TESK1: variants seen among roughly 807,000 people sequenced by gnomAD.
TESK1 encodes testis associated actin remodelling kinase 1.
In TESK1, 18 loss-of-function variants were observed where a neutral mutation model predicts 59.9. The ratio of observed to expected loss-of-function variants is 0.30; its 90% CI spans 0.21 to 0.45. The LOEUF is 0.45. Among genes scored for constraint, TESK1 ranks in the 20% least tolerant of loss-of-function variants. TESK1 has a pLI of 1.00. For missense variants in TESK1, 748 were observed against 840.9 expected (o/e 0.89, Z 1.37); for synonymous variants, 341 against 357.4 (o/e 0.95, Z 0.52).
Position 35,609,216 on chromosome 9 carries a change from T to C in TESK1, c.1355T>C (p.Leu452Pro), listed in dbSNP as rs1423285040. The C allele has an allele frequency of 6.2e-7, 1 of 1,614,042 alleles. No homozygotes were observed. Among genetic ancestry groups the C allele is most frequent in the African/African-American group, 1.3e-5 (1 of 75,040 alleles). Residue 452 changes from leucine (L) to proline (P), a missense_variant, in exon 10 of 10, where the codon CTG (leucine) becomes CCG (proline). By Grantham distance (98) the Leu-to-Pro change is moderately conservative. Coordinates refer to ENST00000336395, the MANE Select transcript of TESK1 (RefSeq NM_006285.3). This position sits in a 1 kb window ranked among gnomAD's most constrained non-coding sequence, Gnocchi z 6.7. ...CTCCCCCGCCGTATGGAGACAGCAC[T>C]GCCAGGTCCTGGCCCTCCCGCTGTG... ...PELPRRMETALPGPGPPAVGP... is the reference protein window; with the variant it reads ...PELPRRMETAPPGPGPPAVGP...
chr9:35,609,545 C>G lies in TESK1; in HGVS notation c.1684C>G (p.Pro562Ala). The G allele has an allele frequency of 6.2e-7, 1 of 1,612,936 alleles. No individual in the cohort carries two copies. The highest frequency in any genetic ancestry group is 8.5e-7 in the Non-Finnish European group (1 of 1,179,376). ...GCCACCCCCTTCAGCTCCCCGGGAG[C>G]CCGATGAGGGGCTGCCCTGTCCTGG... is the stretch of plus-strand genomic sequence containing the variant. ...PSPPPSAPRE[P>A]DEGLPCPGCC... Residue 562 changes from proline (P) to alanine (A), a missense_variant, in exon 10 of 10, where the codon CCC becomes GCC. Transcript: ENST00000336395. This position sits in a 1 kb window ranked among gnomAD's most constrained non-coding sequence, Gnocchi z 6.7.
rs1000160337 is a variant in TESK1 at position 35,606,114 on chromosome 9, C to T, written c.341+9C>T. On this transcript the variant is annotated intron_variant, in intron 2 of 9. Transcript: ENST00000336395. ...CACCCCAACATCCTAAGGTGAGCGG[C>T]CCCAGTCTCTGGGCAGCTTGCTGGG... 4 of 1,614,026 alleles carry T rather than the reference C, an allele frequency of 2.5e-6. No individual in the cohort carries two copies. The highest frequency in any genetic ancestry group is 1.3e-5 in the African/African-American group (1 of 74,938).
Position 35,606,923 on chromosome 9 carries a change from T to G in TESK1, c.477T>G (p.Ile159Met). 1 of 1,613,672 alleles carries G rather than the reference T, an allele frequency of 6.2e-7. No homozygotes were observed. Among genetic ancestry groups the G allele is most frequent in the Non-Finnish European group, 8.5e-7 (1 of 1,179,768 alleles). ...WPVRLHLALDIARGLRYLHSK... is the reference protein window; with the variant it reads ...WPVRLHLALDMARGLRYLHSK... ...TCAGGCTCCACCTGGCCCTGGACATTGCCCGAGGCCTGCGGTACCTGCACT... is the reference window on the plus strand; with the variant it reads ...TCAGGCTCCACCTGGCCCTGGACATGGCCCGAGGCCTGCGGTACCTGCACT... The change falls in exon 4 of 10, where the codon ATT (isoleucine) becomes ATG (methionine). Residue 159 changes from isoleucine (I) to methionine (M), a missense_variant. Physicochemically the swap from Ile to Met is conservative, Grantham distance 10. Coordinates refer to ENST00000336395, the MANE Select transcript of TESK1 (RefSeq NM_006285.3).
Position 35,609,776 on chromosome 9 carries a change from G to A in TESK1, c.*34G>A. The A allele has an allele frequency of 1.3e-6, 2 of 1,519,480 alleles. No homozygotes were observed. Among genetic ancestry groups the A allele is most frequent in the Non-Finnish European group, 1.8e-6 (2 of 1,138,810 alleles). 94.1% of individuals were successfully genotyped at this position (1,519,480 alleles called of 1,614,324 possible). ...CCCGTGGTCTCAGGCCTCCAACTTT[G>A]GCCTTCAGGACACCCTGTAAGAACA... On this transcript the variant is annotated 3_prime_UTR_variant, in exon 10 of 10. Transcript: ENST00000336395. This position sits in a 1 kb window ranked among gnomAD's most constrained non-coding sequence, Gnocchi z 6.7.
Position 35,610,031 on chromosome 9 carries a change from CT to C in TESK1, c.*290del. On this transcript the variant is annotated 3_prime_UTR_variant, in exon 10 of 10. Coordinates refer to ENST00000336395, the MANE Select transcript of TESK1 (RefSeq NM_006285.3). ...CTGCCTGGCTGGCTCCGGGCCGCCC[CT>C]ATCCGCTCAGCCCGTGCGCCCTCCT... 2.6e-6 allele frequency: 1 copy of C among 384,156 alleles called. No individual in the cohort carries two copies. Among genetic ancestry groups the C allele is most frequent in the Non-Finnish European group, 4.7e-6 (1 of 214,368 alleles). 23.8% of individuals were successfully genotyped at this position (384,156 alleles called of 1,614,324 possible).
rs1011383559 is a variant in TESK1, at chr9:35,609,312, C to T, written c.1451C>T (p.Pro484Leu). 2 of 1,613,958 alleles carry T rather than the reference C, an allele frequency of 1.2e-6. No homozygotes were observed. The highest frequency in any genetic ancestry group is 1.7e-6 in the Non-Finnish European group (2 of 1,179,996). ...SPEPEPPGPA[P>L]QLPLAVATDN... The stretch of plus-strand genomic sequence containing the variant: ...GAGCCGGAACCTCCAGGGCCAGCGC[C>T]CCAGCTGCCTCTGGCTGTGGCCACA... Residue 484 changes from proline to leucine, a missense_variant, in exon 10 of 10, where the codon CCC becomes CTC. By Grantham distance (98) the Pro-to-Leu change is moderately conservative. Coordinates refer to ENST00000336395, the MANE Select transcript of TESK1 (RefSeq NM_006285.3). The surrounding 1 kb of genome is among the most constrained non-coding windows in gnomAD (Gnocchi z 6.7).
chr9:35,609,971 A>G lies in TESK1; in HGVS notation c.*229A>G. On this transcript the variant is annotated 3_prime_UTR_variant, in exon 10 of 10. Transcript: ENST00000336395. The surrounding 1 kb of genome is among the most constrained non-coding windows in gnomAD (Gnocchi z 6.7). ...CACAGCATTGCTGACACATGAGACT[A>G]ACACGTGCAATTATTTAAAAAGATT... is the stretch of plus-strand genomic sequence containing the variant. 2.0e-6 allele frequency: 1 copy of G among 502,804 alleles called. No individual in the cohort carries two copies. Among genetic ancestry groups the G allele is most frequent in the Non-Finnish European group, 3.5e-6 (1 of 289,036 alleles). 31.1% of individuals were successfully genotyped at this position (502,804 alleles called of 1,614,324 possible). A position where few individuals can be genotyped will look rare whatever the true frequency, so the allele number is the denominator to read the frequency against.
In TESK1 at chr9:35,609,480, G is replaced by A. The variant is rs753824378; in HGVS notation, c.1619G>A (p.Ser540Asn). Residue 540 changes from serine (S) to asparagine (N), a missense_variant, in exon 10 of 10, where the codon AGC becomes AAC. Ser to Asn is a conservative substitution (Grantham distance 46). Coordinates refer to ENST00000336395, the MANE Select transcript of TESK1 (RefSeq NM_006285.3). The surrounding 1 kb of genome is among the most constrained non-coding windows in gnomAD (Gnocchi z 6.7). ...AGEPWNRAQH[S>N]LPRAAALERT... ...GAGCCCTGGAACCGGGCCCAGCATAGCCTGCCCCGGGCGGCAGCCCTGGAG... is the reference window on the plus strand; with the variant it reads ...GAGCCCTGGAACCGGGCCCAGCATAACCTGCCCCGGGCGGCAGCCCTGGAG... 1.9e-6 allele frequency: 3 copies of A among 1,605,182 alleles called. No homozygotes were observed. The East Asian group carries it at 6.7e-5, about 36-fold the overall frequency.
In TESK1 at chr9:35,609,759, C is replaced by A; in HGVS notation, c.*17C>A. ...CGCTCTTAGCAGTGGAGCCCGTGGT[C>A]TCAGGCCTCCAACTTTGGCCTTCAG... On this transcript the variant is annotated 3_prime_UTR_variant, in exon 10 of 10. Transcript: ENST00000336395. The surrounding 1 kb of genome is among the most constrained non-coding windows in gnomAD (Gnocchi z 6.7). 6.5e-7 allele frequency: 1 copy of A among 1,550,316 alleles called. No homozygotes were observed. Among genetic ancestry groups the A allele is most frequent in the South Asian group, 1.2e-5 (1 of 84,616 alleles).
chr9:35,606,321 C>G (rs375134078), intron 3 of TESK1, 36 bp downstream of exon 3: 206 of 1,612,300 alleles, frequency 1.3e-4, no homozygotes, highest in Non-Finnish European at 1.6e-4. Context: ...TCCCCACCCC[C>G]CTTCACCCCC....
Position 35,607,861 on chromosome 9 carries a change from TA to T in TESK1, c.712-66del, listed in dbSNP as rs1391969460. The stretch of plus-strand genomic sequence containing the variant: ...CCCCACCCTCAACCAAATTCTGCTA[TA>T]TTCTGTCAAAATTCTGAAATGAAAA... On this transcript the variant is annotated intron_variant, in intron 6 of 9. Coordinates refer to ENST00000336395, the MANE Select transcript of TESK1 (RefSeq NM_006285.3). The surrounding 1 kb of genome is among the most constrained non-coding windows in gnomAD (Gnocchi z 4.5). 20 of 1,573,100 alleles carry T rather than the reference TA, an allele frequency of 1.3e-5. No homozygotes were observed. In the African/African-American group the frequency reaches 2.7e-4, roughly 21 times the overall value.
chr9:35,609,310 G>A lies in TESK1; in HGVS notation c.1449G>A (p.Ala483=), dbSNP rs746346980. The change falls in exon 10 of 10, where the codon GCG becomes GCA. Residue 483 remains alanine, a synonymous_variant. Transcript: ENST00000336395. This position sits in a 1 kb window ranked among gnomAD's most constrained non-coding sequence, Gnocchi z 6.7. ...SSPEPEPPGP[A]PQLPLAVATD... is the part of the protein sequence containing the mutation. ...CTGAGCCGGAACCTCCAGGGCCAGC[G>A]CCCCAGCTGCCTCTGGCTGTGGCCA... 1.4e-5 allele frequency: 22 copies of A among 1,613,718 alleles called. No individual in the cohort carries two copies. The highest frequency in any genetic ancestry group is 5.3e-5 in the African/African-American group (4 of 74,922).
Position 35,605,592 on chromosome 9 carries a change from G to A in TESK1, c.-28G>A, listed in dbSNP as rs955383865. 8.3e-6 allele frequency: 7 copies of A among 847,708 alleles called. No individual in the cohort carries two copies. In the African/African-American group the frequency reaches 1.3e-4, roughly 15 times the overall value. The allele number at this position is 847,708 out of a possible 1,614,324, so 52.5% of individuals were successfully genotyped here. A position where few individuals can be genotyped will look rare whatever the true frequency, so the allele number is the denominator to read the frequency against. ...CCGGGCCCTGGGGACCCTGCCATGT[G>A]AGGCAGGCCCGGGCTGGGGGCCCGG... On this transcript the variant is annotated 5_prime_UTR_variant, in exon 1 of 10. An upstream open reading frame in the 5' UTR loses its in-frame stop. Transcript: ENST00000336395.
Position 35,605,301 on chromosome 9 carries a change from C to T in TESK1, c.-319C>T, listed in dbSNP as rs1268286566. 8.8e-5 allele frequency: 13 copies of T among 147,574 alleles called. No individual in the cohort carries two copies. Among genetic ancestry groups the T allele is most frequent in the Admixed American group, 8.8e-4 (13 of 14,828 alleles). 9.1% of individuals were successfully genotyped at this position (147,574 alleles called of 1,614,324 possible). ...GGCGGCTAAGCGGAGCAGCCGCCGCCCGCCCGCCCGCCCGCCTCCGCCCGC... is the reference window on the plus strand; with the variant it reads ...GGCGGCTAAGCGGAGCAGCCGCCGCTCGCCCGCCCGCCCGCCTCCGCCCGC... On this transcript the variant is annotated 5_prime_UTR_variant, in exon 1 of 10. Transcript: ENST00000336395.
In TESK1 at chr9:35,609,486, C is replaced by A. The variant is rs779051310; in HGVS notation, c.1625C>A (p.Pro542His). Residue 542 changes from proline (P) to histidine (H), a missense_variant, in exon 10 of 10, where the codon CCC becomes CAC. Pro to His is a moderately conservative substitution (Grantham distance 77, BLOSUM62 -2). Transcript: ENST00000336395. The surrounding 1 kb of genome is among the most constrained non-coding windows in gnomAD (Gnocchi z 6.7). ...TGGAACCGGGCCCAGCATAGCCTGC[C>A]CCGGGCGGCAGCCCTGGAGCGGACA... ...EPWNRAQHSL[P>H]RAAALERTEP... The A allele has an allele frequency of 1.4e-5, 22 of 1,604,668 alleles. No homozygotes were observed. Among genetic ancestry groups the A allele is most frequent in the Non-Finnish European group, 1.8e-5 (21 of 1,174,854 alleles).
At position 35,608,844 on chromosome 9, in the gene TESK1, A is replaced by C; in HGVS notation, c.1001-18A>C. Reference sequence around the variant, plus strand: ...ATCAAATGCTGAGGACAGTGATTCCAGACTTCTCTATCTACAGGCTCTGTT... The same window carrying C: ...ATCAAATGCTGAGGACAGTGATTCCCGACTTCTCTATCTACAGGCTCTGTT... On this transcript the variant is annotated intron_variant, in intron 9 of 9. Transcript: ENST00000336395. The C allele has an allele frequency of 3.2e-6, 5 of 1,555,834 alleles. No individual in the cohort carries two copies. The South Asian group carries it at 6.2e-5, about 19-fold the overall frequency.
rs572712129 is a variant in TESK1 at position 35,608,515 on chromosome 9, G to A, written c.1000+6G>A. On this transcript the variant is annotated splice_donor_region_variant and intron_variant, in intron 9 of 9. Transcript: ENST00000336395. ...CGCCCTGACACACAATCAGGGTAAG[G>A]GAGCCTGACCTTGATCCAGCTTGAG... 1 of 1,612,620 alleles carries A rather than the reference G, an allele frequency of 6.2e-7. No individual in the cohort carries two copies. Among genetic ancestry groups the A allele is most frequent in the East Asian group, 2.2e-5 (1 of 44,842 alleles).
chr9:35,605,965 C>T lies in TESK1; in HGVS notation c.220-19C>T. 1.2e-6 allele frequency: 2 copies of T among 1,612,980 alleles called. No homozygotes were observed. The highest frequency in any genetic ancestry group is 8.5e-7 in the Non-Finnish European group (1 of 1,179,670). On this transcript the variant is annotated intron_variant, in intron 1 of 9. Transcript: ENST00000336395. ...CCCGCCCGACCTGCCCGGCCCTCGC[C>T]GGCTGCTCCTGCCCCCAGGTTCGGC...
chr9:35,607,808 C>T lies in TESK1; in HGVS notation c.712-120C>T, dbSNP rs988134787. The T allele has an allele frequency of 3.8e-6, 5 of 1,304,990 alleles. 1 individual carries two copies. The highest frequency in any genetic ancestry group is 4.0e-5 in the Admixed American group (2 of 50,390). The allele number at this position is 1,304,990 out of a possible 1,614,324, so 80.8% of individuals were successfully genotyped here. On this transcript the variant is annotated intron_variant, in intron 6 of 9. Coordinates refer to ENST00000336395, the MANE Select transcript of TESK1 (RefSeq NM_006285.3). This position sits in a 1 kb window ranked among gnomAD's most constrained non-coding sequence, Gnocchi z 4.5. ...GATCCCTTTGCCCCTCACAGGCACCCTTCTAACACATGAAAACTGTCAAGA... is the reference window on the plus strand; with the variant it reads ...GATCCCTTTGCCCCTCACAGGCACCTTTCTAACACATGAAAACTGTCAAGA...
Sources: allele counts gnomAD v4.1 joint callset, GRCh38; gene constraint gnomAD v4.1.1; non-coding constraint Gnocchi (gnomAD v3.1); transcripts MANE v1.5; gene names NCBI Gene and HGNC (gene_info 2026-07-23, HGNC 2026-07-21).